AOX1: variants seen among roughly 807,000 people sequenced by gnomAD.
The protein encoded by AOX1 is aldehyde oxidase 1.
Under a neutral mutation model 169.5 loss-of-function variants are expected in AOX1, and 153 were observed. That is an observed-to-expected ratio of 0.90 (90% CI 0.79 to 1.03). The LOEUF (loss-of-function observed/expected upper bound fraction) is 1.03, where lower values mean the gene tolerates loss of function less well. Ranked by LOEUF, AOX1 falls within the 50% of genes least tolerant of loss-of-function variation. The pLI, the probability that AOX1 is intolerant of heterozygous loss-of-function variation, is 0.00. For synonymous variants in AOX1, 562 were observed against 581.9 expected, an observed-to-expected ratio of 0.97 and a Z score of 0.49; for missense variants, 1,656 against 1,663.9, an observed-to-expected ratio of 1.00 and a Z score of 0.08.
intron 1 of AOX1, among the ~76,000 whole-genome samples, chr2:200,589,413 G>A (rs1219610742): frequency 3.3e-5 from 5 of 152,202 alleles, no homozygotes; most frequent in Non-Finnish European, 5.9e-5. Context: ...ATGAGGTGTG[G>A]AAATCAAAGG....
intron 26 of AOX1, among the ~76,000 whole-genome samples, chr2:200,651,874 G>A (rs953189243): frequency 3.3e-5 from 5 of 152,032 alleles, no homozygotes; most frequent in African/African-American, 7.2e-5. Context: ...TACCCCTAAC[G>A]GCTGGTGAAG....
At chr2:200,642,845 G>C in intron 25 of AOX1, 44 bp downstream of exon 25, 1 of 1,578,338 alleles carries the variant, frequency 6.3e-7, no homozygotes, top group Non-Finnish European at 8.6e-7. Flanking sequence ...TGGAATGTCA[G>C]AGACGGTAGG....
intron 25 of AOX1, among the ~76,000 whole-genome samples, chr2:200,644,197 G>A (rs187002750): frequency 1.3e-5 from 2 of 152,258 alleles, no homozygotes; most frequent in South Asian, 2.1e-4. Flanking sequence ...ATAGTTTCAG[G>A]TCTTAGGTTT....
downstream of AOX1, among the ~76,000 whole-genome samples, chr2:200,673,651 ACACATG>A (rs747956124): frequency 6.6e-6 from 1 of 152,230 alleles, no homozygotes; most frequent in Non-Finnish European, 1.5e-5. Context: ...GTGGGCACAC[ACACATG>A]CACATGCACA....
intron 18 of AOX1, among the ~76,000 whole-genome samples, chr2:200,623,643 G>A (rs554605418): frequency 4.4e-4 from 67 of 152,360 alleles, no homozygotes; most frequent in African/African-American, 1.6e-3. Context: ...CATCACTCCT[G>A]CTCCTCTGAT....
At chr2:200,643,392 C>T (rs2035393456) in intron 25 of AOX1, among the ~76,000 whole-genome samples, 1 of 141,644 alleles carries the variant, frequency 7.1e-6, no homozygotes, top group South Asian at 2.3e-4. Context: ...TATATACACA[C>T]ACACACATAT....
At chr2:200,606,998 G>C (rs1462518217) in intron 10 of AOX1, among the ~76,000 whole-genome samples, 1 of 152,082 alleles carries the variant, frequency 6.6e-6, no homozygotes, top group Non-Finnish European at 1.5e-5. Flanking sequence ...GATTGCACTG[G>C]GCATAACTTC....
At chr2:200,668,918 A>G (rs535802552) in intron 33 of AOX1, 115 bp downstream of exon 33, 1 of 848,558 alleles carries the variant, frequency 1.2e-6, no homozygotes, top group Non-Finnish European at 1.8e-6. Context: ...CAGAAGAAAA[A>G]TTCTTATTAA....
chr2:200,642,298 T>C (rs2035367453), intron 24 of AOX1, among the ~76,000 whole-genome samples: 2 of 152,188 alleles, frequency 1.3e-5, no homozygotes, highest in Admixed American at 1.3e-4. Context: ...ATTATATTCA[T>C]TACATTCTAT....
chr2:200,634,145 G>A (rs1479338830), intron 20 of AOX1, among the ~76,000 whole-genome samples: 1 of 149,090 alleles, frequency 6.7e-6, no homozygotes, highest in Non-Finnish European at 1.5e-5. Context: ...TGGCTAGGGA[G>A]AGTGGGCTTT....
intron 5 of AOX1, among the ~76,000 whole-genome samples, chr2:200,600,638 T>C (rs926118708): frequency 6.6e-6 from 1 of 152,154 alleles, no homozygotes; most frequent in Admixed American, 6.5e-5. Context: ...AAAGCTCATA[T>C]GTACACTTAC....
chr2:200,620,548 G>A, intron 16 of AOX1, 102 bp from the exon 17 acceptor site: 1 of 1,119,386 alleles, frequency 8.9e-7, no homozygotes, highest in South Asian at 2.1e-5. Context: ...TCTGGTTTGA[G>A]TCTAAATTAT....
rs1412436762 is a variant in AOX1 at position 200,613,900 on chromosome 2, G to A, written c.1545G>A (p.Lys515=). The A allele has an allele frequency of 6.2e-7, 1 of 1,612,596 alleles. No homozygotes were observed. The highest frequency in any genetic ancestry group is 8.5e-7 in the Non-Finnish European group (1 of 1,179,998). ...CGCCAGGTGGGAAAGTGGAGTTCAA[G>A]AGGACTCTCATCATCAGCTTCCTCT... is the stretch of plus-strand genomic sequence containing the variant. The part of the protein sequence containing the change: ...GSAPGGKVEF[K]RTLIISFLFK... The change falls in exon 15 of 35, where the codon AAG becomes AAA. Residue 515 remains lysine, a synonymous_variant. Transcript: ENST00000374700.
chr2:200,605,687 G>A, intron 10 of AOX1, 59 bp downstream of exon 10: 1 of 761,740 alleles, frequency 1.3e-6, no homozygotes, highest in Non-Finnish European at 2.0e-6. Context: ...TATTTACCTT[G>A]CCCAGCAGAC....
At chr2:200,610,830 A>T (rs954722493) in intron 12 of AOX1, among the ~76,000 whole-genome samples, 1 of 152,144 alleles carries the variant, frequency 6.6e-6, no homozygotes, top group Non-Finnish European at 1.5e-5. Context: ...AGATCTTTTC[A>T]TCTATTTTTT....
At chr2:200,654,190 A>G (rs2035634315) in intron 26 of AOX1, among the ~76,000 whole-genome samples, 1 of 135,188 alleles carries the variant, frequency 7.4e-6, no homozygotes, top group African/African-American at 2.8e-5. Context: ...CCTGGGTGAC[A>G]GAAGAGACCC....
intron 20 of AOX1, among the ~76,000 whole-genome samples, chr2:200,633,488 C>T (rs1306858576): frequency 3.9e-5 from 6 of 151,926 alleles, no homozygotes; most frequent in Admixed American, 1.3e-4. Context: ...TGTTGCTGAG[C>T]CCATCCCTTG....
intron 30 of AOX1, among the ~76,000 whole-genome samples, chr2:200,662,445 T>C (rs2035845733): frequency 6.6e-6 from 1 of 152,196 alleles, no homozygotes; most frequent in Non-Finnish European, 1.5e-5. Flanking sequence ...GACCTGATCC[T>C]TCACACAGAG....
chr2:200,634,665 G>A (rs1240861636), intron 20 of AOX1, 126 bp from the exon 21 acceptor site: 2 of 1,161,148 alleles, frequency 1.7e-6, no homozygotes, highest in Non-Finnish European at 1.2e-6. Flanking sequence ...ATTGTTGTTT[G>A]TTATACTTCA....
Sources: gnomAD v4.1 joint callset for allele counts (sites outside exome capture counted in the v4.1 genomes callset) on GRCh38, gnomAD v4.1.1 for gene constraint, MANE v1.5 for transcripts, NCBI Gene and HGNC (gene_info 2026-07-23, HGNC 2026-07-21) for gene names.